The following ODR4 variants were observed in gnomAD, a reference collection of about 807,000 sequenced individuals.
ODR4 encodes protein odr-4 homolog.
In ODR4, 47 loss-of-function variants were observed where a neutral mutation model predicts 60.2. That is an observed-to-expected ratio of 0.78 (90% confidence interval 0.62 to 1.00). The LOEUF is 1.00. ODR4 is among the 50% of genes least tolerant of loss of function. The pLI, the probability that ODR4 is intolerant of heterozygous loss-of-function variation, is 0.00. For synonymous variants in ODR4, 178 were observed against 175.5 expected (o/e 1.01, Z -0.11); for missense variants, 488 against 530.8 (o/e 0.92, Z 0.79).
downstream of ODR4, among the ~76,000 whole-genome samples, chr1:186,426,093 A>G (rs189165883): frequency 6.6e-6 from 1 of 152,314 alleles, no homozygotes; most frequent in East Asian, 1.9e-4. Context: ...ACTGCAAATG[A>G]AAGTGTTGCC....
the ODR4 span, among the ~76,000 whole-genome samples, chr1:186,429,766 T>C: frequency 6.6e-6 from 1 of 152,190 alleles, no homozygotes; most frequent in Non-Finnish European, 1.5e-5. Flanking sequence ...AAGATTTGTC[T>C]AAATATAAAT....
In ODR4 at chr1:186,419,505, A is replaced by C. The variant is rs975186268; in HGVS notation, c.*429A>C. 1 of 158,710 alleles carries C rather than the reference A, an allele frequency of 6.3e-6. No individual in the cohort carries two copies. Among genetic ancestry groups the C allele is most frequent in the Non-Finnish European group, 1.4e-5 (1 of 72,300 alleles). The allele number at this position is 158,710 out of a possible 1,614,324, so 9.8% of individuals were successfully genotyped here. ...GGAGCATCACCTGGGGCTGGGAGGG[A>C]GTTGGAGACCAGCCTGGATGACATA... On this transcript the variant is annotated 3_prime_UTR_variant, in exon 14 of 14. Transcript: ENST00000287859.
chr1:186,389,444 A>T, intron 5 of ODR4, 144 bp from the exon 6 acceptor site: 1 of 626,514 alleles, frequency 1.6e-6, no homozygotes. Flanking sequence ...ACACATGTAC[A>T]TATATGTACG....
chr1:186,418,289 C>CTTTTT (rs35821609), intron 13 of ODR4, among the ~76,000 whole-genome samples: 16 of 110,366 alleles, frequency 1.4e-4, no homozygotes, highest in East Asian at 2.7e-4. Context: ...TTCTTTCTTT[C>CTTTTT]TTTTTTTTTT....
intron 11 of ODR4, among the ~76,000 whole-genome samples, chr1:186,402,187 A>ATTTCTTTCTTTCTTTCTTTCT (rs369476087): frequency 2.2e-5 from 3 of 135,424 alleles, no homozygotes; most frequent in African/African-American, 5.7e-5. Flanking sequence ...TAGGCATCCT[A>ATTTCTTTCTTTCTTTCTTTCT]TTCTTTCTTT....
intron 12 of ODR4, among the ~76,000 whole-genome samples, chr1:186,415,017 T>C (rs1661509763): frequency 6.6e-6 from 1 of 152,066 alleles, no homozygotes; most frequent in Non-Finnish European, 1.5e-5. Flanking sequence ...ACTGGAAATA[T>C]AGAAGACTAG....
chr1:186,421,467 G>A (rs928441415), downstream of ODR4: 12 of 152,224 alleles, frequency 7.9e-5, no homozygotes, highest in Admixed American at 7.2e-4. Context: ...GTGGTCTGAG[G>A]TTCTTTTATT....
intron 3 of ODR4, among the ~76,000 whole-genome samples, chr1:186,383,678 G>GATAGATATATATATAT (rs1553234312): frequency 5.7e-5 from 8 of 140,770 alleles, no homozygotes; most frequent in Admixed American, 7.0e-5. Flanking sequence ...TGTGTATGTA[G>GATAGATATATATATAT]ATATATATAT....
chr1:186,387,465 T>G (rs1337773809), intron 4 of ODR4, among the ~76,000 whole-genome samples: 2 of 152,206 alleles, frequency 1.3e-5, no homozygotes, highest in African/African-American at 4.8e-5. Context: ...AGGCCCACTT[T>G]CCTTGCTTTT....
intron 6 of ODR4, 57 bp downstream of exon 6, chr1:186,389,681 T>C (rs987865793): frequency 2.4e-6 from 3 of 1,258,038 alleles, no homozygotes; most frequent in Admixed American, 2.5e-5. Flanking sequence ...TCAATCAAAA[T>C]TCAGCTTTTA....
downstream of ODR4, among the ~76,000 whole-genome samples, chr1:186,423,443 C>CTTTTTTTTTTT (rs34515188): frequency 1.1e-4 from 5 of 44,740 alleles, 1 homozygote; most frequent in African/African-American, 3.1e-4. Context: ...ACTACTTGTG[C>CTTTTTTTTTTT]TTTTTTTTTT....
At chr1:186,414,810 A>G (rs114167277) in intron 12 of ODR4, among the ~76,000 whole-genome samples, 16,634 of 152,144 alleles carry the variant, frequency 0.11, 1,203 homozygotes, top group Middle Eastern at 0.28. Flanking sequence ...GTGAGCCACT[A>G]CGTCCGGCCA....
intron 12 of ODR4, among the ~76,000 whole-genome samples, chr1:186,415,070 A>G (rs1661511475): frequency 6.6e-6 from 1 of 151,562 alleles, no homozygotes; most frequent in Non-Finnish European, 1.5e-5. Context: ...TTTCTTTGTG[A>G]CTGGTTTGAT....
chr1:186,433,092 A>T, the ODR4 span, among the ~76,000 whole-genome samples: 1 of 152,088 alleles, frequency 6.6e-6, no homozygotes, highest in Non-Finnish European at 1.5e-5. Context: ...CCAGATATTT[A>T]AAAATCTTAT....
chr1:186,413,337 T>TC (rs565304112), intron 12 of ODR4, among the ~76,000 whole-genome samples: 2 of 152,148 alleles, frequency 1.3e-5, no homozygotes, highest in South Asian at 4.1e-4. Context: ...ATTTACCTGA[T>TC]TATTACTTAT....
downstream of ODR4, among the ~76,000 whole-genome samples, chr1:186,424,232 C>A (rs147796242): frequency 3.0e-3 from 462 of 152,230 alleles, 3 homozygotes; most frequent in African/African-American, 0.011. Flanking sequence ...CATACAACAA[C>A]CCAGAGTAAT....
intron 5 of ODR4, among the ~76,000 whole-genome samples, chr1:186,389,027 G>A (rs1180463249): frequency 1.3e-5 from 2 of 152,116 alleles, no homozygotes; most frequent in East Asian, 1.9e-4. Context: ...CAGTTACACG[G>A]CCTCTTACCA....
In ODR4 at chr1:186,398,334, TC is replaced by T; in HGVS notation, c.804del (p.Thr269GlnfsTer11). 1.2e-6 allele frequency: 2 copies of T among 1,602,858 alleles called. No homozygotes were observed. The highest frequency in any genetic ancestry group is 1.7e-6 in the Non-Finnish European group (2 of 1,174,426). ...TCAGCTCCTGAATTCAGACCACAGA[TC>T]CACAGCCACAGTCCAGATATGTAGC... ...TQLLLNSDHR[S>X]TATVQICSGS... On this transcript the variant is annotated frameshift_variant, in exon 10 of 14. Coordinates refer to ENST00000287859, the MANE Select transcript of ODR4 (RefSeq NM_017847.6). LOFTEE classifies it high-confidence loss of function.
chr1:186,423,256 AT>A (rs1218225144), downstream of ODR4, among the ~76,000 whole-genome samples: 1 of 152,122 alleles, frequency 6.6e-6, no homozygotes, highest in Non-Finnish European at 1.5e-5. Flanking sequence ...TGAGGTTGAT[AT>A]AACTTACTGA....
Sources: gnomAD v4.1 joint callset for allele counts (sites outside exome capture counted in the v4.1 genomes callset) on GRCh38, gnomAD v4.1.1 for gene constraint, MANE v1.5 for transcripts, NCBI Gene and HGNC (gene_info 2026-07-23, HGNC 2026-07-21) for gene names.